Variants in FGF14 observed in about 807,000 individuals in gnomAD.
FGF14 encodes fibroblast growth factor homologous factor 4.
In FGF14, 5 loss-of-function variants were observed where a neutral mutation model predicts 25.5. The ratio of observed to expected loss-of-function variants is 0.20; its 90% CI spans 0.10 to 0.41. The LOEUF is 0.41. Among genes scored for constraint, FGF14 ranks in the 10% least tolerant of loss-of-function variants. The probability of loss-of-function intolerance (pLI) is 1.00; values close to 1 mark genes in which losing one functional copy is unlikely to be tolerated. For synonymous variants in FGF14, 138 were observed against 118.3 expected, an observed-to-expected ratio of 1.17 and a Z score of -1.08; for missense variants, 222 against 320.1, an observed-to-expected ratio of 0.69 and a Z score of 2.34.
chr13:101,805,730 C>T (rs2041158385), intron 3 of FGF14, among the ~76,000 whole-genome samples: 1 of 152,006 alleles, frequency 6.6e-6, no homozygotes, highest in Non-Finnish European at 1.5e-5. Context: ...AACATTCTGA[C>T]CACCCCCCTT....
chr13:101,882,932 T>G (rs886920383), intron 1 of FGF14, among the ~76,000 whole-genome samples: 1 of 152,150 alleles, frequency 6.6e-6, no homozygotes. Flanking sequence ...TGATAAAATT[T>G]TTTTTTTATT....
At chr13:101,854,206 G>C (rs1262122140) in intron 3 of FGF14, among the ~76,000 whole-genome samples, 2 of 152,058 alleles carry the variant, frequency 1.3e-5, no homozygotes, top group African/African-American at 4.8e-5. Context: ...TTCTTTATTT[G>C]AGATTATAAC....
intron 1 of FGF14, among the ~76,000 whole-genome samples, chr13:101,904,384 C>G (rs1422106409): frequency 2.0e-5 from 3 of 151,902 alleles, no homozygotes; most frequent in Admixed American, 6.6e-5. Context: ...AAAAAATCAA[C>G]AGGCCTATCT....
Position 102,246,769 on chromosome 13 carries a change from T to C in FGF14, c.208+154702A>G, listed in dbSNP as rs2051893933. 2.0e-5 allele frequency among the ~76,000 whole-genome samples: 3 copies of C among 151,054 alleles called. No homozygotes were observed. In the South Asian group the frequency reaches 6.3e-4, roughly 32 times the overall value. ...TATGGAACATATATATATATATATATATCCCAAATAGCCAAGGCAATTCTG... is the reference window on the plus strand; with the variant it reads ...TATGGAACATATATATATATATATACATCCCAAATAGCCAAGGCAATTCTG... On this transcript the variant is annotated intron_variant, in intron 1 of 4. Coordinates refer to the FGF14 transcript ENST00000376131.
chr13:101,830,020 A>G (rs1041279772), intron 3 of FGF14, among the ~76,000 whole-genome samples: 2 of 152,122 alleles, frequency 1.3e-5, no homozygotes, highest in African/African-American at 4.8e-5. Context: ...TATTCCCACC[A>G]CTTACTCCCT....
At chr13:101,992,822 C>A (rs945401038) in intron 1 of FGF14, among the ~76,000 whole-genome samples, 1 of 151,516 alleles carries the variant, frequency 6.6e-6, no homozygotes. Flanking sequence ...AACAGAATAT[C>A]CAGGAATTGG....
At chr13:101,771,257 T>A (rs1057435667) in intron 3 of FGF14, among the ~76,000 whole-genome samples, 1 of 152,020 alleles carries the variant, frequency 6.6e-6, no homozygotes, top group Non-Finnish European at 1.5e-5. Flanking sequence ...TATCTCTACA[T>A]CCACAAAGAG....
chr13:101,865,424 G>A (rs929204497), intron 3 of FGF14, among the ~76,000 whole-genome samples: 1 of 152,006 alleles, frequency 6.6e-6, no homozygotes, highest in Admixed American at 6.6e-5. Context: ...CTGCGTCCTT[G>A]TAGCCCACAC....
chr13:101,991,175 G>A (rs2038881564), intron 1 of FGF14, among the ~76,000 whole-genome samples: 1 of 152,026 alleles, frequency 6.6e-6, no homozygotes, highest in African/African-American at 2.4e-5. Context: ...TGTATACTAT[G>A]TAAAATTTAC....
rs564579816 is a variant in FGF14, at chr13:102,218,717, C to A, written c.208+182754G>T. ...CTATGGCACATCCACTTAATGTCAC[C>A]ACCTTGGGGTGTTTTTATCCTCATT... On this transcript the variant is annotated intron_variant, in intron 1 of 4. Transcript: ENST00000376131. Among the ~76,000 whole-genome samples the A allele has an allele frequency of 2.6e-4, 39 of 152,092 alleles. 1 individual carries two copies. In the South Asian group the frequency reaches 7.7e-3, roughly 30 times the overall value.
intron 1 of FGF14, among the ~76,000 whole-genome samples, chr13:102,277,007 T>C (rs2053582656): frequency 2.0e-5 from 3 of 152,174 alleles, no homozygotes; most frequent in African/African-American, 7.2e-5. Flanking sequence ...ACAAAGATGA[T>C]GGAAGGATTA....
intron 3 of FGF14, among the ~76,000 whole-genome samples, chr13:101,841,632 A>G (rs1233423247): frequency 1.3e-5 from 2 of 152,060 alleles, no homozygotes; most frequent in African/African-American, 2.4e-5. Context: ...AGTTGCCAGC[A>G]TTGATTGAAC....
At chr13:101,910,500 A>G (rs1407047222) in intron 1 of FGF14, among the ~76,000 whole-genome samples, 3 of 152,152 alleles carry the variant, frequency 2.0e-5, no homozygotes, top group East Asian at 3.9e-4. Flanking sequence ...ATCAATCCCA[A>G]TATCAAAAAC....
chr13:101,798,659 T>C (rs2040696941), intron 3 of FGF14, among the ~76,000 whole-genome samples: 1 of 152,176 alleles, frequency 6.6e-6, no homozygotes, highest in African/African-American at 2.4e-5. Context: ...AATACAATTT[T>C]AAAATTGTGT....
At chr13:101,941,794 C>T (rs2139319860) in intron 1 of FGF14, among the ~76,000 whole-genome samples, 1 of 152,326 alleles carries the variant, frequency 6.6e-6, no homozygotes, top group African/African-American at 2.4e-5. Context: ...CTACTTTCCT[C>T]TTCCACACCT....
chr13:101,825,812 A>G (rs183003140), intron 3 of FGF14, among the ~76,000 whole-genome samples: 80 of 152,308 alleles, frequency 5.3e-4, no homozygotes, highest in Admixed American at 9.8e-4. Context: ...AACTTGAGAC[A>G]GTTCCACCCA....
chr13:102,123,410 A>G (rs1019373095), intron 1 of FGF14, among the ~76,000 whole-genome samples: 2 of 152,224 alleles, frequency 1.3e-5, no homozygotes, highest in African/African-American at 4.8e-5. Flanking sequence ...CAAGCAATTA[A>G]TTGAAATGCA....
intron 1 of FGF14, chr13:102,299,781 C>T (rs577932827): frequency 1.3e-5 from 2 of 152,012 alleles, no homozygotes; most frequent in African/African-American, 2.4e-5. Flanking sequence ...AATAAGCAAA[C>T]AAGATGAGGG....
At chr13:102,383,505 T>C (rs1471634757) in intron 1 of FGF14, among the ~76,000 whole-genome samples, 1 of 152,184 alleles carries the variant, frequency 6.6e-6, no homozygotes. Context: ...ACCCAACTTA[T>C]CAAATGCTAT....
Sources: gnomAD v4.1 joint callset for allele counts (sites outside exome capture counted in the v4.1 genomes callset) on GRCh38, gnomAD v4.1.1 for gene constraint, MANE v1.5 for transcripts, NCBI Gene and HGNC (gene_info 2026-07-23, HGNC 2026-07-21) for gene names.